The following PCDH11X variants were observed in gnomAD, a reference collection of about 807,000 sequenced individuals.
PCDH11X encodes protocadherin-11 X-linked.
PCDH11X carries 18 observed loss-of-function variants against 53.3 expected under a neutral mutation model. The ratio of observed to expected loss-of-function variants is 0.34; its 90% CI spans 0.23 to 0.50. PCDH11X has a LOEUF of 0.50. Ranked by LOEUF, PCDH11X falls within the 20% of genes least tolerant of loss-of-function variation. PCDH11X has a pLI of 0.98. For synonymous variants in PCDH11X, 279 were observed against 393.3 expected, an observed-to-expected ratio of 0.71 and a Z score of 3.44; for missense variants, 570 against 1,032.4, an observed-to-expected ratio of 0.55 and a Z score of 6.14.
rs1298760258 is a variant in PCDH11X, at chrX:92,355,921, T to TA, written c.3145-31804dup. The stretch of plus-strand genomic sequence containing the variant: ...ATTTTCATATAATCATTGCAAATTC[T>TA]AAAAAAAAAACCACTTTAAATGATG... On this transcript the variant is annotated intron_variant, in intron 8 of 10. Coordinates refer to ENST00000682573, the MANE Select transcript of PCDH11X (RefSeq NM_032968.5). 6.7e-3 allele frequency among the ~76,000 whole-genome samples: 714 copies of TA among 105,998 alleles called. 1 individual carries two copies. The highest frequency in any genetic ancestry group is 0.014 in the Middle Eastern group (3 of 211). 92.0% of individuals were successfully genotyped at this position (105,998 alleles called of 115,157 possible). A position where few individuals can be genotyped will look rare whatever the true frequency, so the allele number is the denominator to read the frequency against.
intron 6 of PCDH11X, among the ~76,000 whole-genome samples, chrX:92,139,229 C>T (rs1321857737): frequency 2.8e-5 from 3 of 105,555 alleles, no homozygotes; most frequent in Non-Finnish European, 3.9e-5. Context: ...GTCAATTTTA[C>T]TCTAAAACAA....
chrX:92,608,766 C>T (rs1225882312), intron 10 of PCDH11X, among the ~76,000 whole-genome samples: 14 of 110,728 alleles, frequency 1.3e-4, no homozygotes, highest in Admixed American at 1.1e-3. Flanking sequence ...TTTATATTTA[C>T]GTACAATAAA....
chrX:91,966,684 C>A (rs2061868789), intron 6 of PCDH11X, among the ~76,000 whole-genome samples: 1 of 110,351 alleles, frequency 9.1e-6, no homozygotes, highest in Non-Finnish European at 1.9e-5. Flanking sequence ...AATTGCCTTT[C>A]AAAAAACAAA....
chrX:92,500,780 TCAAGTTAA>T (rs1349042335), intron 10 of PCDH11X, among the ~76,000 whole-genome samples: 1 of 103,202 alleles, frequency 9.7e-6, no homozygotes, highest in Admixed American at 1.1e-4. Flanking sequence ...TAGAAAGATC[TCAAGTTAA>T]CAACCTATCA....
chrX:91,856,819 T>C (rs1446212166), intron 5 of PCDH11X, among the ~76,000 whole-genome samples: 2 of 111,967 alleles, frequency 1.8e-5, no homozygotes, highest in Non-Finnish European at 3.8e-5. Flanking sequence ...CCATTGTGTA[T>C]ATGTACCAAA....
At chrX:92,581,642 A>G (rs779449338) in intron 10 of PCDH11X, among the ~76,000 whole-genome samples, 1 of 111,966 alleles carries the variant, frequency 8.9e-6, no homozygotes, top group South Asian at 3.8e-4. Context: ...GAACTAATAC[A>G]GTAAATTGGT....
intron 8 of PCDH11X, among the ~76,000 whole-genome samples, chrX:92,295,775 G>T (rs867723364): frequency 1.2e-5 from 1 of 85,426 alleles, no homozygotes; most frequent in Admixed American, 1.3e-4. Flanking sequence ...GTGTGTGTGT[G>T]TGTCTATTAA....
chrX:92,274,794 G>A (rs1480083513), intron 8 of PCDH11X, among the ~76,000 whole-genome samples: 3 of 110,828 alleles, frequency 2.7e-5, no homozygotes, highest in Non-Finnish European at 3.8e-5. Flanking sequence ...GCTGGTGTGT[G>A]GCGATAAGGC....
intron 6 of PCDH11X, among the ~76,000 whole-genome samples, chrX:91,998,386 G>A (rs1194679546): frequency 1.8e-5 from 2 of 110,599 alleles, no homozygotes; most frequent in Non-Finnish European, 3.8e-5. Flanking sequence ...TGTAATGCCT[G>A]GTCTTTTAGT....
At chrX:92,419,097 G>A (rs2071887755) in intron 9 of PCDH11X, among the ~76,000 whole-genome samples, 1 of 101,077 alleles carries the variant, frequency 9.9e-6, no homozygotes, top group Non-Finnish European at 2.0e-5. Context: ...AATTCTTCTT[G>A]GTAAATTGAT....
chrX:92,129,124 G>T lies in PCDH11X; in HGVS notation c.3034-72251G>T, dbSNP rs1403204357. On this transcript the variant is annotated intron_variant, in intron 6 of 10. Transcript: ENST00000682573. ...AGTCTTTTCCTAGGCCAGGCACGGT[G>T]GCTCACGCCTGTAATCCCAGCACTT... Among the ~76,000 whole-genome samples, 6 of 110,911 alleles carry T rather than the reference G, an allele frequency of 5.4e-5. No homozygotes were observed. In the East Asian group the frequency reaches 1.7e-3, roughly 32 times the overall value.
chrX:92,262,948 G>C (rs1384533174), intron 7 of PCDH11X, 166 bp from the exon 8 acceptor site: 4 of 626,789 alleles, frequency 6.4e-6, no homozygotes, highest in Admixed American at 9.2e-5. Flanking sequence ...GGAGATGAAA[G>C]TAGTTTCAGC....
chrX:92,505,115 T>TA (rs1042133152), intron 10 of PCDH11X, among the ~76,000 whole-genome samples: 3 of 106,716 alleles, frequency 2.8e-5, no homozygotes, highest in Non-Finnish European at 5.8e-5. Flanking sequence ...GTTGTCTGTT[T>TA]ATTTTGTTGA....
intron 9 of PCDH11X, among the ~76,000 whole-genome samples, chrX:92,449,453 A>C (rs1177098705): frequency 8.9e-6 from 1 of 111,851 alleles, no homozygotes; most frequent in Non-Finnish European, 1.9e-5. Flanking sequence ...TCAACCTATT[A>C]ATTCAAAATT....
intron 10 of PCDH11X, among the ~76,000 whole-genome samples, chrX:92,584,874 A>G (rs200435196): frequency 2.0e-5 from 2 of 101,132 alleles, no homozygotes; most frequent in East Asian, 6.1e-4. Flanking sequence ...GCTCACCACA[A>G]TCTCTGCCTC....
At chrX:92,034,420 C>T (rs1050003557) in intron 6 of PCDH11X, among the ~76,000 whole-genome samples, 1 of 108,687 alleles carries the variant, frequency 9.2e-6, no homozygotes, top group African/African-American at 3.3e-5. Context: ...TTTGGGTGCT[C>T]CAGCGTTGGG....
chrX:92,247,525 C>A (rs767832329), intron 7 of PCDH11X, among the ~76,000 whole-genome samples: 1 of 111,630 alleles, frequency 9.0e-6, no homozygotes, highest in Admixed American at 9.6e-5. Flanking sequence ...TCTCATAGTT[C>A]TGCAGGCTAG....
At chrX:92,540,824 C>T (rs1399477017) in intron 10 of PCDH11X, among the ~76,000 whole-genome samples, 1 of 107,689 alleles carries the variant, frequency 9.3e-6, no homozygotes, top group Non-Finnish European at 1.9e-5. Context: ...CTGCCTCTAG[C>T]CCAGGTTGAT....
At chrX:92,008,628 GTT>G (rs1242953579) in intron 6 of PCDH11X, among the ~76,000 whole-genome samples, 4 of 100,137 alleles carry the variant, frequency 4.0e-5, no homozygotes, top group East Asian at 3.1e-4. Flanking sequence ...TCTTATGAAA[GTT>G]TTTTTTTTTT....
Sources: gnomAD v4.1 joint callset for allele counts (sites outside exome capture counted in the v4.1 genomes callset) on GRCh38, gnomAD v4.1.1 for gene constraint, MANE v1.5 for transcripts, NCBI Gene and HGNC (gene_info 2026-07-23, HGNC 2026-07-21) for gene names.